EDC4: variants seen among roughly 807,000 people sequenced by gnomAD.
EDC4 encodes enhancer of mRNA-decapping protein 4.
EDC4 carries 64 observed loss-of-function variants against 155.8 expected under a neutral mutation model. The observed-to-expected ratio is 0.41, with a 90% confidence interval of 0.34 to 0.51. The LOEUF is 0.51. Among genes scored for constraint, EDC4 ranks in the 20% least tolerant of loss-of-function variants. The pLI is 0.19. For synonymous variants in EDC4, 684 were observed against 716.8 expected (o/e 0.95, Z 0.73); for missense variants, 1,303 against 1,812.5 (o/e 0.72, Z 5.10).
Position 67,881,607 on chromosome 16 carries a change from C to G in EDC4, c.2827-61C>G. 1.2e-6 allele frequency: 2 copies of G among 1,612,556 alleles called. No individual in the cohort carries two copies. The highest frequency in any genetic ancestry group is 1.7e-6 in the Non-Finnish European group (2 of 1,179,116). ...GTGGAGAAGGGCTCTGGGCCATTCC[C>G]TGGTCTGGTGTGTGGGAATAGGTGG... On this transcript the variant is annotated intron_variant, in intron 21 of 28. Coordinates refer to ENST00000358933, the MANE Select transcript of EDC4 (RefSeq NM_014329.5). The surrounding 1 kb of genome is among the most constrained non-coding windows in gnomAD (Gnocchi z 5.4).
At position 67,880,624 on chromosome 16, in the gene EDC4, C is replaced by T; in HGVS notation, c.2165C>T (p.Ala722Val). ...QEVEPLGLPQ[A>V]SPSRTRSPDV... ...GTGGAGCCCCTGGGGCTACCCCAAG[C>T]CTCCCCTAGCCGCACTCGTTCCCCT... The change falls in exon 18 of 29, where the codon GCC (alanine) becomes GTC (valine). Residue 722 changes from alanine (A) to valine (V), a missense_variant. Physicochemically the swap from Ala to Val is moderately conservative, Grantham distance 64. Coordinates refer to ENST00000358933, the MANE Select transcript of EDC4 (RefSeq NM_014329.5). This position sits in a 1 kb window ranked among gnomAD's most constrained non-coding sequence, Gnocchi z 5.2. The T allele has an allele frequency of 6.2e-7, 1 of 1,614,186 alleles. No homozygotes were observed. The highest frequency in any genetic ancestry group is 1.7e-5 in the Admixed American group (1 of 60,030).
At chr16:67,874,103 G>A (rs1054587893) in intron 1 of EDC4, among the ~76,000 whole-genome samples, 1 of 152,164 alleles carries the variant, frequency 6.6e-6, no homozygotes, top group African/African-American at 2.4e-5. Flanking sequence ...TGAGTGCAGA[G>A]TGCAGGTCTG....
At position 67,883,280 on chromosome 16, in the gene EDC4, G is replaced by A. The variant is rs2058078499; in HGVS notation, c.3849+103G>A. ...ACCACCTTTGCACCTTCTGGCCCCA[G>A]CAGACTGTTCTTGGTTCCCTTTGGC... On this transcript the variant is annotated intron_variant, in intron 27 of 28. Coordinates refer to ENST00000358933, the MANE Select transcript of EDC4 (RefSeq NM_014329.5). This position sits in a 1 kb window ranked among gnomAD's most constrained non-coding sequence, Gnocchi z 5.3. The A allele has an allele frequency of 6.9e-7, 1 of 1,457,894 alleles. No homozygotes were observed. The highest frequency in any genetic ancestry group is 9.1e-7 in the Non-Finnish European group (1 of 1,101,588). The allele number at this position is 1,457,894 out of a possible 1,614,324, so 90.3% of individuals were successfully genotyped here.
rs756978960 is a variant in EDC4, at chr16:67,877,451, C to T, written c.641+45C>T. ...GGTGGTGGGACTGAAGAAGGGTGGG[C>T]GGAGCTGGGGTGTCACGCCTCTTCA... On this transcript the variant is annotated intron_variant, in intron 5 of 28. Transcript: ENST00000358933. The surrounding 1 kb of genome is among the most constrained non-coding windows in gnomAD (Gnocchi z 4.9). 42 of 1,609,954 alleles carry T rather than the reference C, an allele frequency of 2.6e-5. No individual in the cohort carries two copies. The East Asian group carries it at 8.0e-4, about 31-fold the overall frequency.
rs775387618 is a variant in EDC4 at position 67,880,067 on chromosome 16, C to G, written c.1948C>G (p.Pro650Ala). ...SAVDPSLTRP[P>A]EELTLSPKLQ... ...ACCTCAGCCTTCCCCCACCAGGCCA[C>G]CTGAGGAGCTGACCTTGAGCCCCAA... The change falls in exon 17 of 29, where the codon CCT becomes GCT. Residue 650 changes from proline (P) to alanine (A), a missense_variant. Physicochemically the swap from Pro to Ala is conservative, Grantham distance 27. Coordinates refer to ENST00000358933, the MANE Select transcript of EDC4 (RefSeq NM_014329.5). The surrounding 1 kb of genome is among the most constrained non-coding windows in gnomAD (Gnocchi z 5.2). The G allele has an allele frequency of 1.9e-6, 3 of 1,602,838 alleles. No homozygotes were observed. The highest frequency in any genetic ancestry group is 3.4e-5 in the Admixed American group (2 of 59,388).
At position 67,881,876 on chromosome 16, in the gene EDC4, A is replaced by G. The variant is rs766727272; in HGVS notation, c.3004+31A>G. ...CTTGAGACTGGTAGCACAACATGGC[A>G]TAGGGACGGGGGCAGCATTCTTGGC... On this transcript the variant is annotated intron_variant, in intron 22 of 28. Coordinates refer to ENST00000358933, the MANE Select transcript of EDC4 (RefSeq NM_014329.5). This position sits in a 1 kb window ranked among gnomAD's most constrained non-coding sequence, Gnocchi z 5.4. The G allele has an allele frequency of 1.5e-5, 24 of 1,607,464 alleles. 1 individual carries two copies. The highest frequency in any genetic ancestry group is 2.7e-5 in the African/African-American group (2 of 74,916).
rs900765117 is a variant in EDC4 at position 67,876,786 on chromosome 16, A to G, written c.352-87A>G. ...GGTAACAGTGGGTAGCTGGACTTGCATCTGTGTCCTCTCCCATCCCCAGGG... is the reference window on the plus strand; with the variant it reads ...GGTAACAGTGGGTAGCTGGACTTGCGTCTGTGTCCTCTCCCATCCCCAGGG... On this transcript the variant is annotated intron_variant, in intron 3 of 28. Transcript: ENST00000358933. This position sits in a 1 kb window ranked among gnomAD's most constrained non-coding sequence, Gnocchi z 5.8. 3 of 1,575,678 alleles carry G rather than the reference A, an allele frequency of 1.9e-6. No individual in the cohort carries two copies. The South Asian group carries it at 3.6e-5, about 19-fold the overall frequency.
chr16:67,881,573 C>T lies in EDC4; in HGVS notation c.2826+40C>T, dbSNP rs1363658453. 1 of 1,613,282 alleles carries T rather than the reference C, an allele frequency of 6.2e-7. No individual in the cohort carries two copies. Among genetic ancestry groups the T allele is most frequent in the African/African-American group, 1.3e-5 (1 of 74,904 alleles). On this transcript the variant is annotated intron_variant, in intron 21 of 28. Transcript: ENST00000358933. The surrounding 1 kb of genome is among the most constrained non-coding windows in gnomAD (Gnocchi z 5.4). The stretch of plus-strand genomic sequence containing the variant: ...CCACTTTGTACTTGTGGAACTTCAC[C>T]CTGGGCGGGTGGAGAAGGGCTCTGG...
At position 67,876,323 on chromosome 16, in the gene EDC4, A is replaced by G. The variant is rs898935876; in HGVS notation, c.240-165A>G. On this transcript the variant is annotated intron_variant, in intron 2 of 28. Coordinates refer to ENST00000358933, the MANE Select transcript of EDC4 (RefSeq NM_014329.5). The surrounding 1 kb of genome is among the most constrained non-coding windows in gnomAD (Gnocchi z 5.8). ...ATGAAAGTAGGCTCATTCCCAAGGA[A>G]GGAGATGAGCAAGCAGAGCTGTGGG... The G allele has an allele frequency of 1.0e-5, 8 of 777,448 alleles. No homozygotes were observed. The African/African-American group carries it at 1.5e-4, about 15-fold the overall frequency. The allele number at this position is 777,448 out of a possible 1,614,324, so 48.2% of individuals were successfully genotyped here. A position where few individuals can be genotyped will look rare whatever the true frequency, so the allele number is the denominator to read the frequency against.
At position 67,881,794 on chromosome 16, in the gene EDC4, A is replaced by G. The variant is rs746749612; in HGVS notation, c.2953A>G (p.Thr985Ala). The change falls in exon 22 of 29, where the codon ACA becomes GCA. Residue 985 changes from threonine to alanine, a missense_variant. Thr to Ala is a moderately conservative substitution (Grantham distance 58). Coordinates refer to ENST00000358933, the MANE Select transcript of EDC4 (RefSeq NM_014329.5). The surrounding 1 kb of genome is among the most constrained non-coding windows in gnomAD (Gnocchi z 5.4). Reference protein sequence around the residue: ...LCTQLEGLQSTVTGHVERALE... With the variant: ...LCTQLEGLQSAVTGHVERALE... Reference sequence around the variant, plus strand: ...TACCCAACTCGAAGGCCTGCAGAGCACAGTCACAGGCCACGTAGAACGTGC... The same window carrying G: ...TACCCAACTCGAAGGCCTGCAGAGCGCAGTCACAGGCCACGTAGAACGTGC... 1.2e-6 allele frequency: 2 copies of G among 1,614,014 alleles called. No individual in the cohort carries two copies. Among genetic ancestry groups the G allele is most frequent in the African/African-American group, 2.7e-5 (2 of 74,938 alleles).
At position 67,875,896 on chromosome 16, in the gene EDC4, T is replaced by C. The variant is rs1263568861; in HGVS notation, c.83-49T>C. On this transcript the variant is annotated intron_variant, in intron 1 of 28. Coordinates refer to ENST00000358933, the MANE Select transcript of EDC4 (RefSeq NM_014329.5). Reference sequence around the variant, plus strand: ...AAGGAAACTCTGAAAGGGGAGAGGCTTGTGGGCAGGTCGAGCAACCTTATC... The same window carrying C: ...AAGGAAACTCTGAAAGGGGAGAGGCCTGTGGGCAGGTCGAGCAACCTTATC... 5 of 1,588,368 alleles carry C rather than the reference T, an allele frequency of 3.1e-6. No individual in the cohort carries two copies. In the Admixed American group the frequency reaches 8.6e-5, roughly 27 times the overall value.
In EDC4 at chr16:67,877,908, C is replaced by CTA; in HGVS notation, c.894+67_894+68dup. ...CTTCCTCATATCCATCTTCTGTTCCCTATATCCACAGCTGCCCGGGCAGCT... is the reference window on the plus strand; with the variant it reads ...CTTCCTCATATCCATCTTCTGTTCCCTATATATCCACAGCTGCCCGGGCAGCT... On this transcript the variant is annotated intron_variant, in intron 7 of 28. Coordinates refer to ENST00000358933, the MANE Select transcript of EDC4 (RefSeq NM_014329.5). This position sits in a 1 kb window ranked among gnomAD's most constrained non-coding sequence, Gnocchi z 4.9. The CTA allele has an allele frequency of 6.3e-7, 1 of 1,598,910 alleles. No homozygotes were observed. Among genetic ancestry groups the CTA allele is most frequent in the Non-Finnish European group, 8.5e-7 (1 of 1,172,056 alleles).
Position 67,882,425 on chromosome 16 carries a change from C to T in EDC4, c.3277-4C>T, listed in dbSNP as rs531213373. On this transcript the variant is annotated splice_region_variant and splice_polypyrimidine_tract_variant and intron_variant, in intron 24 of 28. Coordinates refer to ENST00000358933, the MANE Select transcript of EDC4 (RefSeq NM_014329.5). This position sits in a 1 kb window ranked among gnomAD's most constrained non-coding sequence, Gnocchi z 7.2. ...TTCAACTTGGCCCCTCCCTCTAACC[C>T]CAGAACTTGACTGATGCCATCGCCC... is the stretch of plus-strand genomic sequence containing the variant. 1 of 1,613,274 alleles carries T rather than the reference C, an allele frequency of 6.2e-7. No homozygotes were observed. Among genetic ancestry groups the T allele is most frequent in the African/African-American group, 1.3e-5 (1 of 74,906 alleles).
Position 67,876,844 on chromosome 16 carries a change from C to G in EDC4, c.352-29C>G, listed in dbSNP as rs777844523. ...GGGCCACCTAGGCTCTGGGGAAGTT[C>G]CATGACTTTTCTCACCCTGGGTTCT... is the stretch of plus-strand genomic sequence containing the variant. On this transcript the variant is annotated intron_variant, in intron 3 of 28. Transcript: ENST00000358933. The surrounding 1 kb of genome is among the most constrained non-coding windows in gnomAD (Gnocchi z 5.8). 10 of 1,611,170 alleles carry G rather than the reference C, an allele frequency of 6.2e-6. 1 individual carries two copies. The South Asian group carries it at 1.1e-4, about 18-fold the overall frequency.
In EDC4 at chr16:67,882,033, C is replaced by G; in HGVS notation, c.3084C>G (p.Ser1028=). ...QLQEQLTQQL[S]QALSSAVAGR... ...AGGAGCAGCTGACACAACAGTTGTC[C>G]CAAGCACTGTCGTCAGCTGTAGCTG... Residue 1028 remains serine, a synonymous_variant, in exon 23 of 29, where the codon TCC becomes TCG. Coordinates refer to ENST00000358933, the MANE Select transcript of EDC4 (RefSeq NM_014329.5). The surrounding 1 kb of genome is among the most constrained non-coding windows in gnomAD (Gnocchi z 7.2). 1.2e-6 allele frequency: 2 copies of G among 1,612,624 alleles called. No individual in the cohort carries two copies. Among genetic ancestry groups the G allele is most frequent in the Non-Finnish European group, 1.7e-6 (2 of 1,179,612 alleles).
chr16:67,880,587 G>A lies in EDC4; in HGVS notation c.2128G>A (p.Glu710Lys). 1 of 1,613,990 alleles carries A rather than the reference G, an allele frequency of 6.2e-7. No individual in the cohort carries two copies. The highest frequency in any genetic ancestry group is 8.5e-7 in the Non-Finnish European group (1 of 1,179,994). ...VPTATSALSL[E>K]LQEVEPLGLP... ...TACTGCCACCTCTGCACTGTCCCTG[G>A]AGCTGCAGGAAGTGGAGCCCCTGGG... The change falls in exon 18 of 29, where the codon GAG becomes AAG. Residue 710 changes from glutamate to lysine, a missense_variant. This residue lies in a region of EDC4 where 391 missense variants were observed against 445.4 expected (regional missense o/e 0.88). Coordinates refer to ENST00000358933, the MANE Select transcript of EDC4 (RefSeq NM_014329.5). This position sits in a 1 kb window ranked among gnomAD's most constrained non-coding sequence, Gnocchi z 5.2.
rs147080619 is a variant in EDC4 at position 67,875,960 on chromosome 16, G to T, written c.98G>T (p.Ser33Ile). ...TTGTCCCCAGGCCCCAGTGCAGAGAGCCCACGGCCATCCAGTGCCTACAAT... is the reference window on the plus strand; with the variant it reads ...TTGTCCCCAGGCCCCAGTGCAGAGATCCCACGGCCATCCAGTGCCTACAAT... Reference protein sequence around the residue: ...DRPAGGPSAESPRPSSAYNGD... With the variant: ...DRPAGGPSAEIPRPSSAYNGD... Residue 33 changes from serine to isoleucine, a missense_variant, in exon 2 of 29, where the codon AGC (serine) becomes ATC (isoleucine). Physicochemically the swap from Ser to Ile is moderately radical, Grantham distance 142. Transcript: ENST00000358933. 3.1e-5 allele frequency: 50 copies of T among 1,613,702 alleles called. No individual in the cohort carries two copies. The African/African-American group carries it at 6.0e-4, about 19-fold the overall frequency.
chr16:67,877,413 A>G lies in EDC4; in HGVS notation c.641+7A>G. The G allele has an allele frequency of 6.2e-7, 1 of 1,612,116 alleles. No homozygotes were observed. Among genetic ancestry groups the G allele is most frequent in the Non-Finnish European group, 8.5e-7 (1 of 1,178,816 alleles). On this transcript the variant is annotated splice_region_variant and intron_variant, in intron 5 of 28. Coordinates refer to ENST00000358933, the MANE Select transcript of EDC4 (RefSeq NM_014329.5). This position sits in a 1 kb window ranked among gnomAD's most constrained non-coding sequence, Gnocchi z 4.9. ...TGGTTAATGGCAAAATTCAGTATCC[A>G]TTCCTTCCTGTGGGTGGTGGGACTG...
chr16:67,881,081 G>A lies in EDC4; in HGVS notation c.2537G>A (p.Arg846Lys), dbSNP rs1394677308. Residue 846 changes from arginine to lysine, a missense_variant, in exon 19 of 29, where the codon AGG becomes AAG. By Grantham distance (26) the Arg-to-Lys change is conservative (BLOSUM62 2). Transcript: ENST00000358933. The surrounding 1 kb of genome is among the most constrained non-coding windows in gnomAD (Gnocchi z 5.4). ...ETCSTLAESP[R>K]NGLQEKHKSL... ...AAGTTGGCCTGTCCTCCCAGCCCCA[G>A]GAATGGCCTTCAGGAAAAGCACAAG... The A allele has an allele frequency of 1.9e-6, 3 of 1,614,096 alleles. No individual in the cohort carries two copies. The highest frequency in any genetic ancestry group is 2.2e-5 in the South Asian group (2 of 91,086).
Sources: gnomAD v4.1 joint callset for allele counts (sites outside exome capture counted in the v4.1 genomes callset) on GRCh38, gnomAD v4.1.1 for gene constraint, gnomAD v4.1.1 regional missense constraint, Gnocchi (gnomAD v3.1) non-coding constraint, MANE v1.5 for transcripts, NCBI Gene and HGNC (gene_info 2026-07-23, HGNC 2026-07-21) for gene names.